MYO18B: variants seen among roughly 807,000 people sequenced by gnomAD.
MYO18B encodes the protein unconventional myosin-XVIIIb.
In MYO18B, 204 loss-of-function variants were observed where a neutral mutation model predicts 273.0. That is an observed-to-expected ratio of 0.75 (90% CI 0.67 to 0.84). The LOEUF (loss-of-function observed/expected upper bound fraction) is 0.84, where lower values mean the gene tolerates loss of function less well. Among genes scored for constraint, MYO18B ranks in the 40% least tolerant of loss-of-function variants. The pLI is 0.00. For missense variants in MYO18B, 3,212 were observed against 3,287.6 expected (o/e 0.98, Z 0.56); for synonymous variants, 1,330 against 1,305.7 (o/e 1.02, Z -0.40).
At chr22:25,849,092 G>T (rs2090344263) in intron 20 of MYO18B, among the ~76,000 whole-genome samples, 1 of 152,266 alleles carries the variant, frequency 6.6e-6, no homozygotes, top group Admixed American at 6.5e-5. Context: ...ACAGCCAGTG[G>T]CTGGTCCCCC....
the MYO18B span, among the ~76,000 whole-genome samples, chr22:26,062,723 CA>C: frequency 1.3e-5 from 2 of 152,180 alleles, no homozygotes; most frequent in Non-Finnish European, 2.9e-5. Flanking sequence ...TCTTCTGGCT[CA>C]AAGTACATGC....
At chr22:25,751,609 G>T (rs1263747870) in intron 1 of MYO18B, among the ~76,000 whole-genome samples, 1 of 152,210 alleles carries the variant, frequency 6.6e-6, no homozygotes. Flanking sequence ...TTCTTGCTGG[G>T]GGACCTCAGA....
chr22:25,947,335 TC>T (rs1297207220), intron 35 of MYO18B, among the ~76,000 whole-genome samples: 1 of 152,084 alleles, frequency 6.6e-6, no homozygotes, highest in Non-Finnish European at 1.5e-5. Context: ...CAGAACAAAG[TC>T]CCTGTTCTCA....
intron 34 of MYO18B, among the ~76,000 whole-genome samples, chr22:25,934,254 C>A (rs2092548379): frequency 6.6e-6 from 1 of 151,586 alleles, no homozygotes; most frequent in African/African-American, 2.4e-5. Flanking sequence ...TAGGGTTGAC[C>A]ATTACATTTT....
At chr22:25,774,142 A>G (rs2086827427) in intron 7 of MYO18B, among the ~76,000 whole-genome samples, 2 of 152,200 alleles carry the variant, frequency 1.3e-5, no homozygotes, top group Non-Finnish European at 2.9e-5. Context: ...AGGCAATGCT[A>G]AATCCATTAA....
chr22:25,969,038 T>G (rs1165147881), intron 39 of MYO18B, among the ~76,000 whole-genome samples: 1 of 152,158 alleles, frequency 6.6e-6, no homozygotes, highest in African/African-American at 2.4e-5. Context: ...AACCTCAGAC[T>G]GGTAAAAATT....
Position 25,757,345 on chromosome 22 carries a change from T to A in MYO18B, c.-109-3639T>A, listed in dbSNP as rs576821708. Among the ~76,000 whole-genome samples, 156 of 151,684 alleles carry A rather than the reference T, an allele frequency of 1.0e-3. 1 individual carries two copies. The highest frequency in any genetic ancestry group is 2.8e-3 in the Admixed American group (43 of 15,260). ...GCCAGGTGCAGTGGCTCACGCCTGT[T>A]ATCCCAGCACTTTGGGAGCCGAGGG... On this transcript the variant is annotated intron_variant, in intron 1 of 43. Coordinates refer to ENST00000335473, the MANE Select transcript of MYO18B (RefSeq NM_032608.7).
Position 25,895,242 on chromosome 22 carries a change from G to T in MYO18B, c.4630G>T (p.Asp1544Tyr). ...KRLQQCEERL[D>Y]SELTARKELE... ...TCTGCAGCAATGCGAGGAGAGGCTG[G>T]ACTCGGAGCTGACAGCCAGGAAAGA... Residue 1544 changes from aspartate to tyrosine, a missense_variant, in exon 28 of 44, where the codon GAC becomes TAC. Asp to Tyr is a radical substitution (Grantham distance 160). Transcript: ENST00000335473. The T allele has an allele frequency of 1.2e-6, 2 of 1,607,342 alleles. No individual in the cohort carries two copies. Among genetic ancestry groups the T allele is most frequent in the South Asian group, 1.1e-5 (1 of 89,384 alleles).
At chr22:25,968,351 C>T (rs1037545876) in intron 39 of MYO18B, among the ~76,000 whole-genome samples, 9 of 152,090 alleles carry the variant, frequency 5.9e-5, no homozygotes, top group Admixed American at 1.3e-4. Context: ...ATAGATTCCC[C>T]CAAGGAAAAT....
At chr22:25,754,053 T>C (rs1203645497) in intron 1 of MYO18B, among the ~76,000 whole-genome samples, 1 of 152,166 alleles carries the variant, frequency 6.6e-6, no homozygotes, top group Non-Finnish European at 1.5e-5. Flanking sequence ...CAAATGTTGA[T>C]TGAAAGCTAA....
intron 34 of MYO18B, among the ~76,000 whole-genome samples, chr22:25,923,872 C>T (rs1337070107): frequency 2.7e-5 from 4 of 149,514 alleles, no homozygotes; most frequent in Non-Finnish European, 6.0e-5. Context: ...GTTACTTTTT[C>T]TTTTTTTTTT....
chr22:25,881,444 T>G (rs2091331765), intron 25 of MYO18B, among the ~76,000 whole-genome samples: 1 of 152,378 alleles, frequency 6.6e-6, no homozygotes, highest in South Asian at 2.1e-4. Flanking sequence ...CTGACCTCTC[T>G]TGCTGGCAGC....
chr22:25,854,498 T>G (rs546479430), intron 21 of MYO18B, among the ~76,000 whole-genome samples: 2 of 152,152 alleles, frequency 1.3e-5, no homozygotes, highest in Non-Finnish European at 2.9e-5. Context: ...TAAAAAAAAA[T>G]TATGGTAAAA....
At chr22:25,856,059 T>C (rs939906019) in intron 21 of MYO18B, among the ~76,000 whole-genome samples, 15 of 152,300 alleles carry the variant, frequency 9.8e-5, no homozygotes, top group Non-Finnish European at 1.9e-4. Flanking sequence ...TACCCAGAAG[T>C]GGAATAGCTG....
intron 20 of MYO18B, among the ~76,000 whole-genome samples, chr22:25,848,203 A>G (rs1431218128): frequency 1.3e-5 from 2 of 152,090 alleles, no homozygotes; most frequent in African/African-American, 4.8e-5. Context: ...CACGATGCTC[A>G]GTTTGGTTTG....
intron 1 of MYO18B, among the ~76,000 whole-genome samples, chr22:25,754,581 A>G (rs539477426): frequency 1.3e-5 from 2 of 152,140 alleles, no homozygotes; most frequent in African/African-American, 4.8e-5. Context: ...CTCCCCTTTA[A>G]GGGGAGACTC....
chr22:25,823,844 C>T (rs2089383819), intron 13 of MYO18B, among the ~76,000 whole-genome samples, 166 bp downstream of exon 13: 1 of 152,160 alleles, frequency 6.6e-6, no homozygotes. Context: ...AGGGACCGGT[C>T]AATGCTAATG....
At chr22:25,777,429 C>T (rs1047257850) in intron 7 of MYO18B, among the ~76,000 whole-genome samples, 154 bp from the exon 8 acceptor site, 3 of 152,220 alleles carry the variant, frequency 2.0e-5, no homozygotes, top group Admixed American at 1.3e-4. Context: ...GGCTTGGCTC[C>T]TCCTAGTCGA....
In MYO18B at chr22:25,898,369, G is replaced by A. The variant is rs1310764426; in HGVS notation, c.4731G>A (p.Lys1577=). The change falls in exon 29 of 44, where the codon AAG becomes AAA. Residue 1577 remains lysine (K), a synonymous_variant. Coordinates refer to ENST00000335473, the MANE Select transcript of MYO18B (RefSeq NM_032608.7). ...AGATGGCTCACCAACTGAAGAGGAAGTGCCACCATCTTACCTGTGACCTTG... is the reference window on the plus strand; with the variant it reads ...AGATGGCTCACCAACTGAAGAGGAAATGCCACCATCTTACCTGTGACCTTG... ...AKKMAHQLKR[K]CHHLTCDLED... The A allele has an allele frequency of 6.2e-7, 1 of 1,613,948 alleles. No homozygotes were observed. Among genetic ancestry groups the A allele is most frequent in the Non-Finnish European group, 8.5e-7 (1 of 1,179,858 alleles).
Sources: allele counts gnomAD v4.1 joint callset (sites outside exome capture counted in the v4.1 genomes callset), GRCh38; gene constraint gnomAD v4.1.1; transcripts MANE v1.5; gene names NCBI Gene and HGNC (gene_info 2026-07-23, HGNC 2026-07-21).